SLC24A2: variants seen among roughly 807,000 people sequenced by gnomAD.
The protein encoded by SLC24A2 is sodium/potassium/calcium exchanger 2.
In SLC24A2, 36 loss-of-function variants were observed where a neutral mutation model predicts 62.0. The ratio of observed to expected loss-of-function variants is 0.58; its 90% CI spans 0.44 to 0.77. The LOEUF is 0.77. Ranked by LOEUF, SLC24A2 falls within the 30% of genes least tolerant of loss-of-function variation. SLC24A2 has a pLI of 0.00. For missense variants in SLC24A2, 846 were observed against 817.9 expected (o/e 1.03, Z -0.42); for synonymous variants, 358 against 294.0 (o/e 1.22, Z -2.23).
the SLC24A2 span, among the ~76,000 whole-genome samples, chr9:20,147,482 T>C: frequency 1.3e-5 from 2 of 152,170 alleles, no homozygotes; most frequent in African/African-American, 4.8e-5. Flanking sequence ...GTTTCATATC[T>C]TATTTTAAAA....
the SLC24A2 span, among the ~76,000 whole-genome samples, chr9:20,065,598 A>T: frequency 6.6e-6 from 1 of 152,240 alleles, no homozygotes; most frequent in African/African-American, 2.4e-5. Flanking sequence ...TGTTATACCT[A>T]CAAGAAACTG....
the SLC24A2 span, among the ~76,000 whole-genome samples, chr9:19,811,414 G>C: frequency 6.6e-6 from 1 of 152,072 alleles, no homozygotes; most frequent in African/African-American, 2.4e-5. Context: ...ATTTGCAATG[G>C]GTTCATTTAC....
intron 6 of SLC24A2, among the ~76,000 whole-genome samples, chr9:19,574,157 T>C (rs1288260655): frequency 6.6e-6 from 1 of 152,188 alleles, no homozygotes; most frequent in African/African-American, 2.4e-5. Context: ...TGGAAACTCT[T>C]CCAGTGCCTA....
the SLC24A2 span, among the ~76,000 whole-genome samples, chr9:20,145,765 T>G: frequency 6.6e-6 from 1 of 151,956 alleles, no homozygotes; most frequent in African/African-American, 2.4e-5. Flanking sequence ...TGCTTAAATT[T>G]GATATACAAG....
the SLC24A2 span, among the ~76,000 whole-genome samples, chr9:20,060,903 C>A: frequency 6.6e-6 from 1 of 151,548 alleles, no homozygotes; most frequent in African/African-American, 2.4e-5. Context: ...AGCAAATAAC[C>A]AGAAAGTAAA....
intron 2 of SLC24A2, among the ~76,000 whole-genome samples, chr9:19,708,443 A>ACCAAGTCAACC (rs1820603670): frequency 6.6e-6 from 1 of 152,202 alleles, no homozygotes; most frequent in African/African-American, 2.4e-5. Context: ...AGCCTGCATC[A>ACCAAGTCAACC]CCAAGTCAAC....
chr9:20,025,045 A>G, the SLC24A2 span, among the ~76,000 whole-genome samples: 7 of 152,190 alleles, frequency 4.6e-5, no homozygotes, highest in African/African-American at 1.2e-4. Flanking sequence ...ATATTTTACA[A>G]TGCAACCCAG....
At chr9:19,668,845 C>G (rs773661342) in intron 2 of SLC24A2, among the ~76,000 whole-genome samples, 1 of 152,176 alleles carries the variant, frequency 6.6e-6, no homozygotes, top group African/African-American at 2.4e-5. Context: ...GTGCAGAGAT[C>G]AGGTCTTTTT....
At chr9:19,814,768 A>G in the SLC24A2 span, among the ~76,000 whole-genome samples, 1 of 152,176 alleles carries the variant, frequency 6.6e-6, no homozygotes, top group Non-Finnish European at 1.5e-5. Context: ...GACATTAGGA[A>G]TCTCTTGCTA....
intron 8 of SLC24A2, among the ~76,000 whole-genome samples, chr9:19,538,702 A>G (rs1378064939): frequency 2.1e-4 from 28 of 131,668 alleles, no homozygotes; most frequent in Admixed American, 1.0e-3. Context: ...TTGGTATCAG[A>G]ATGATGCTGG....
chr9:20,098,955 A>G, the SLC24A2 span, among the ~76,000 whole-genome samples: 4 of 152,212 alleles, frequency 2.6e-5, no homozygotes, highest in African/African-American at 9.6e-5. Context: ...TTTAGGATAT[A>G]CACAACTTAC....
chr9:19,654,771 C>T (rs747460765), intron 2 of SLC24A2, among the ~76,000 whole-genome samples: 119 of 152,188 alleles, frequency 7.8e-4, no homozygotes, highest in Non-Finnish European at 1.4e-3. Flanking sequence ...GCAATGATGT[C>T]CAACTGCTTT....
At chr9:20,247,623 G>C in the SLC24A2 span, among the ~76,000 whole-genome samples, 1 of 152,162 alleles carries the variant, frequency 6.6e-6, no homozygotes, top group Non-Finnish European at 1.5e-5. Flanking sequence ...AGACTTCTCT[G>C]TCTCCAAAAC....
intron 5 of SLC24A2, among the ~76,000 whole-genome samples, chr9:19,595,243 T>A (rs1397121665): frequency 6.6e-6 from 1 of 152,210 alleles, no homozygotes; most frequent in African/African-American, 2.4e-5. Context: ...TCAGAAGCTC[T>A]CCCACTTATT....
chr9:19,813,260 C>A, the SLC24A2 span, among the ~76,000 whole-genome samples: 21 of 152,002 alleles, frequency 1.4e-4, no homozygotes, highest in African/African-American at 4.8e-4. Flanking sequence ...GGGCAAATAC[C>A]CTCAGAGAGA....
chr9:19,822,254 A>T, the SLC24A2 span, among the ~76,000 whole-genome samples: 1 of 152,146 alleles, frequency 6.6e-6, no homozygotes, highest in Non-Finnish European at 1.5e-5. Flanking sequence ...GTATGAGGGG[A>T]ATGTTATCCA....
the SLC24A2 span, among the ~76,000 whole-genome samples, chr9:20,240,227 A>G: frequency 1.3e-5 from 2 of 152,128 alleles, no homozygotes; most frequent in Non-Finnish European, 2.9e-5. Context: ...ATGCTATGAG[A>G]TATGTAAATA....
In SLC24A2 at chr9:19,690,828, C is replaced by G. The variant is rs563605027; in HGVS notation, c.931-68529G>C. ...CCTGATGCTGAATAATGAATGTGCACAGTACACAGTGGATTTCGATAGAAT... is the reference window on the plus strand; with the variant it reads ...CCTGATGCTGAATAATGAATGTGCAGAGTACACAGTGGATTTCGATAGAAT... On this transcript the variant is annotated intron_variant, in intron 2 of 10. Coordinates refer to ENST00000341998, the MANE Select transcript of SLC24A2 (RefSeq NM_020344.4). 6.6e-5 allele frequency among the ~76,000 whole-genome samples: 10 copies of G among 152,050 alleles called. No homozygotes were observed. In the East Asian group the frequency reaches 1.9e-3, roughly 29 times the overall value.
chr9:19,567,460 G>A (rs1835700784), intron 7 of SLC24A2, among the ~76,000 whole-genome samples: 1 of 150,672 alleles, frequency 6.6e-6, no homozygotes, highest in Non-Finnish European at 1.5e-5. Flanking sequence ...GCAGGAGAAT[G>A]GCGTGAACCC....
Sources: gnomAD v4.1 joint callset for allele counts (sites outside exome capture counted in the v4.1 genomes callset) on GRCh38, gnomAD v4.1.1 for gene constraint, MANE v1.5 for transcripts, NCBI Gene and HGNC (gene_info 2026-07-23, HGNC 2026-07-21) for gene names.